Variants in DACH2 observed in about 807,000 individuals in gnomAD.
The protein encoded by DACH2 is dachshund homolog 2.
A neutral mutation model predicts 35.8 loss-of-function variants in DACH2; 17 were observed. The ratio of observed to expected loss-of-function variants is 0.48; its 90% CI spans 0.33 to 0.71. The LOEUF (loss-of-function observed/expected upper bound fraction) is 0.71. DACH2 is among the 30% of genes least tolerant of loss of function. DACH2 has a pLI of 0.02. For missense variants in DACH2, 469 were observed against 472.7 expected (o/e 0.99, Z 0.07); for synonymous variants, 195 against 177.3 (o/e 1.10, Z -0.79).
chrX:86,309,459 G>C (rs1332966724), intron 1 of DACH2, among the ~76,000 whole-genome samples: 1 of 104,647 alleles, frequency 9.6e-6, no homozygotes, highest in Non-Finnish European at 1.9e-5. Flanking sequence ...CTACCACAGG[G>C]GTATCTCTAC....
chrX:86,631,126 A>C (rs776989241), intron 3 of DACH2, among the ~76,000 whole-genome samples: 1 of 112,153 alleles, frequency 8.9e-6, no homozygotes, highest in African/African-American at 3.2e-5. Context: ...GAATTGAACT[A>C]AATTTTAATC....
chrX:86,783,843 G>A (rs2042111815), intron 7 of DACH2, among the ~76,000 whole-genome samples: 2 of 111,388 alleles, frequency 1.8e-5, no homozygotes, highest in African/African-American at 6.5e-5. Context: ...GGTGATAAGG[G>A]TAGTGGGAGG....
Position 86,303,317 on chromosome X carries a change from G to A in DACH2, c.489-73507G>A, listed in dbSNP as rs760860239. On this transcript the variant is annotated intron_variant, in intron 1 of 11. Transcript: ENST00000373125. ...TGTAATCTGGTTTTATGAGAACTCT[G>A]AAAGCAGACATTCTTTTTGCGTTCA... 3.7e-5 allele frequency among the ~76,000 whole-genome samples: 4 copies of A among 109,404 alleles called. No homozygotes were observed. In the East Asian group the frequency reaches 1.2e-3, roughly 31 times the overall value.
At chrX:86,187,690 C>T (rs958898413) in intron 1 of DACH2, among the ~76,000 whole-genome samples, 43 of 111,050 alleles carry the variant, frequency 3.9e-4, no homozygotes, top group African/African-American at 1.2e-3. Context: ...CCTCCCAAAG[C>T]GCTGAGATTA....
At chrX:86,737,440 G>A (rs1338466740) in intron 6 of DACH2, among the ~76,000 whole-genome samples, 1 of 111,796 alleles carries the variant, frequency 8.9e-6, no homozygotes, top group Non-Finnish European at 1.9e-5. Context: ...ATATATTGTA[G>A]CTAATATACT....
At chrX:86,400,443 A>G (rs1477672620) in intron 2 of DACH2, among the ~76,000 whole-genome samples, 1 of 111,500 alleles carries the variant, frequency 9.0e-6, no homozygotes, top group Non-Finnish European at 1.9e-5. Context: ...CCTTTGGAGG[A>G]GGAGAGGCGC....
chrX:86,238,921 T>A (rs1268591306), intron 1 of DACH2, among the ~76,000 whole-genome samples: 1 of 111,402 alleles, frequency 9.0e-6, no homozygotes, highest in Admixed American at 9.6e-5. Flanking sequence ...CATGATAAGA[T>A]AATTCAGCTA....
chrX:86,457,598 T>C (rs942275025), intron 2 of DACH2, among the ~76,000 whole-genome samples: 1 of 112,357 alleles, frequency 8.9e-6, no homozygotes, highest in African/African-American at 3.2e-5. Flanking sequence ...AATGCAATAA[T>C]GAATAAAGCA....
At chrX:86,738,468 CAGAT>C (rs1602876205) in intron 6 of DACH2, among the ~76,000 whole-genome samples, 1 of 111,796 alleles carries the variant, frequency 8.9e-6, no homozygotes, top group African/African-American at 3.2e-5. Flanking sequence ...GATGTGATTA[CAGAT>C]AATTAGACAC....
intron 1 of DACH2, among the ~76,000 whole-genome samples, chrX:86,281,106 A>C (rs2034017950): frequency 9.0e-6 from 1 of 111,373 alleles, no homozygotes; most frequent in African/African-American, 3.3e-5. Context: ...AACCTAACAG[A>C]TATCTACAGA....
rs1330087532 is a variant in DACH2 at position 86,148,499 on chromosome X, A to AGTTC, written c.-120_-117dup. On this transcript the variant is annotated 5_prime_UTR_variant, in exon 1 of 12. Coordinates refer to ENST00000373125, the MANE Select transcript of DACH2 (RefSeq NM_053281.3). Reference sequence around the variant, plus strand: ...AGCCGGCTGCTGAAGACTTGCGAACAGTTCGGAGCCAGCGAGAGCGCGCCA... The same window carrying AGTTC: ...AGCCGGCTGCTGAAGACTTGCGAACAGTTCGTTCGGAGCCAGCGAGAGCGCGCCA... 511 of 826,592 alleles carry AGTTC rather than the reference A, an allele frequency of 6.2e-4. No individual in the cohort carries two copies. The highest frequency in any genetic ancestry group is 8.1e-4 in the Non-Finnish European group (487 of 599,155). 68.1% of individuals were successfully genotyped at this position (826,592 alleles called of 1,213,427 possible). A position where few individuals can be genotyped will look rare whatever the true frequency, so the allele number is the denominator to read the frequency against.
At chrX:86,650,261 C>T (rs200654495) in intron 3 of DACH2, among the ~76,000 whole-genome samples, 1 of 92,016 alleles carries the variant, frequency 1.1e-5, no homozygotes, top group African/African-American at 3.6e-5. Context: ...AAGATTATAA[C>T]TATACTACAG....
chrX:86,611,126 AG>A lies in DACH2; in HGVS notation c.641-39908del, dbSNP rs773771732. Among the ~76,000 whole-genome samples the A allele has an allele frequency of 5.1e-3, 566 of 110,322 alleles. 3 individuals are homozygous for A. Among genetic ancestry groups the A allele is most frequent in the African/African-American group, 0.018 (536 of 30,311 alleles). On this transcript the variant is annotated intron_variant, in intron 3 of 11. Transcript: ENST00000373125. The stretch of plus-strand genomic sequence containing the variant: ...AGGGCCCAAGGTCTCTTTATTCAGC[AG>A]GTGATGGGTTCTGTTAGGTTTGAGC...
intron 1 of DACH2, among the ~76,000 whole-genome samples, chrX:86,174,854 A>T (rs1176381492): frequency 3.6e-5 from 4 of 109,856 alleles, no homozygotes; most frequent in South Asian, 3.9e-4. Flanking sequence ...ATTATTTTTA[A>T]TTTTTTTGTG....
chrX:86,411,190 C>A (rs967881565), intron 2 of DACH2, among the ~76,000 whole-genome samples: 1 of 105,736 alleles, frequency 9.5e-6, no homozygotes, highest in Admixed American at 1.0e-4. Context: ...AGGAAGGATG[C>A]AGCACAGCAT....
At chrX:86,634,450 G>A (rs1034226962) in intron 3 of DACH2, among the ~76,000 whole-genome samples, 2 of 111,213 alleles carry the variant, frequency 1.8e-5, no homozygotes, top group African/African-American at 6.6e-5. Flanking sequence ...ATTCTAGCCA[G>A]AGCAACTAGA....
At chrX:86,235,203 A>G (rs1377295494) in intron 1 of DACH2, among the ~76,000 whole-genome samples, 1 of 111,612 alleles carries the variant, frequency 9.0e-6, no homozygotes, top group Non-Finnish European at 1.9e-5. Flanking sequence ...GAGAAAGACC[A>G]TTTTCATCAC....
intron 7 of DACH2, among the ~76,000 whole-genome samples, chrX:86,777,037 G>T (rs374348622): frequency 9.0e-6 from 1 of 111,636 alleles, no homozygotes; most frequent in African/African-American, 3.3e-5. Flanking sequence ...GAATAGTGCT[G>T]CAGTAAACAT....
chrX:86,183,889 C>T (rs770780188), intron 1 of DACH2, among the ~76,000 whole-genome samples: 1 of 111,338 alleles, frequency 9.0e-6, no homozygotes, highest in South Asian at 3.8e-4. Flanking sequence ...TGACTTCTTC[C>T]TGGTTTAGAC....
Sources: gnomAD v4.1 joint callset for allele counts (sites outside exome capture counted in the v4.1 genomes callset) on GRCh38, gnomAD v4.1.1 for gene constraint, MANE v1.5 for transcripts, NCBI Gene and HGNC (gene_info 2026-07-23, HGNC 2026-07-21) for gene names.